Variants in ZSWIM6 observed in about 807,000 individuals in gnomAD.
ZSWIM6 encodes the protein zinc finger SWIM domain-containing protein 6.
ZSWIM6 carries 9 observed loss-of-function variants against 113.2 expected under a neutral mutation model. The observed-to-expected ratio is 0.08, with a 90% CI of 0.05 to 0.14. ZSWIM6 has a LOEUF of 0.14. ZSWIM6 is among the 10% of genes least tolerant of loss of function. ZSWIM6 has a pLI of 1.00. For missense variants in ZSWIM6, 1,162 were observed against 1,552.2 expected, an observed-to-expected ratio of 0.75 and a Z score of 4.22; for synonymous variants, 611 against 606.5, an observed-to-expected ratio of 1.01 and a Z score of -0.11.
intron 4 of ZSWIM6, among the ~76,000 whole-genome samples, chr5:61,506,825 C>G (rs1183255297): frequency 6.6e-6 from 1 of 152,034 alleles, no homozygotes; most frequent in Non-Finnish European, 1.5e-5. Context: ...ATTCTAGACT[C>G]TTATAATAGC....
At chr5:61,365,065 T>C (rs1014313733) in intron 1 of ZSWIM6, among the ~76,000 whole-genome samples, 11 of 152,114 alleles carry the variant, frequency 7.2e-5, no homozygotes, top group Non-Finnish European at 1.6e-4. Flanking sequence ...ATGTGACACA[T>C]GCCAGGCACA....
At chr5:61,412,092 T>C (rs1746159522) in intron 1 of ZSWIM6, among the ~76,000 whole-genome samples, 1 of 152,244 alleles carries the variant, frequency 6.6e-6, no homozygotes, top group Non-Finnish European at 1.5e-5. Flanking sequence ...CTGGTAAATC[T>C]ACAGTTTCTA....
chr5:61,517,770 A>ATTAT (rs1459413551), intron 4 of ZSWIM6, among the ~76,000 whole-genome samples: 27 of 149,918 alleles, frequency 1.8e-4, no homozygotes, highest in African/African-American at 6.3e-4. Context: ...TTTTTTTTTA[A>ATTAT]TTATTTAATT....
intron 1 of ZSWIM6, among the ~76,000 whole-genome samples, chr5:61,367,006 T>G (rs1745170070): frequency 6.7e-6 from 1 of 150,236 alleles, no homozygotes; most frequent in Non-Finnish European, 1.5e-5. Flanking sequence ...CTTGATTAAG[T>G]GATAGCATGA....
intron 1 of ZSWIM6, among the ~76,000 whole-genome samples, chr5:61,380,358 G>A (rs371569680): frequency 2.0e-5 from 3 of 152,306 alleles, no homozygotes; most frequent in African/African-American, 7.2e-5. Context: ...TTACAGGCAT[G>A]AGCCACTGCA....
chr5:61,444,982 T>C (rs978206416), intron 1 of ZSWIM6, among the ~76,000 whole-genome samples: 3 of 152,224 alleles, frequency 2.0e-5, no homozygotes, highest in African/African-American at 7.2e-5. Flanking sequence ...GATTAGTTAA[T>C]AGGACATTTA....
At chr5:61,371,857 T>C (rs553770603) in intron 1 of ZSWIM6, among the ~76,000 whole-genome samples, 2 of 152,330 alleles carry the variant, frequency 1.3e-5, no homozygotes, top group East Asian at 3.9e-4. Flanking sequence ...ATTATTATCC[T>C]CCCTCACCTG....
chr5:61,479,632 G>A (rs1747803530), intron 2 of ZSWIM6, among the ~76,000 whole-genome samples: 2 of 152,126 alleles, frequency 1.3e-5, no homozygotes, highest in Non-Finnish European at 2.9e-5. Context: ...CCACTGTAAG[G>A]CTATTCAGAG....
chr5:61,348,097 T>G (rs548612358), intron 1 of ZSWIM6, among the ~76,000 whole-genome samples: 2 of 152,172 alleles, frequency 1.3e-5, no homozygotes, highest in East Asian at 3.9e-4. Context: ...GGCGGGCGCC[T>G]GTAGTCCCAG....
intron 1 of ZSWIM6, among the ~76,000 whole-genome samples, chr5:61,379,598 C>T (rs537310126): frequency 2.1e-4 from 32 of 152,082 alleles, no homozygotes; most frequent in Non-Finnish European, 4.0e-4. Context: ...CTAGTGTGTA[C>T]TGAAAACAGC....
chr5:61,437,515 G>C (rs1467760422), intron 1 of ZSWIM6, among the ~76,000 whole-genome samples: 2 of 151,944 alleles, frequency 1.3e-5, no homozygotes, highest in African/African-American at 4.8e-5. Context: ...TTGAGCCCAG[G>C]ACTTCAAGAC....
chr5:61,342,115 A>G (rs1258975159), intron 1 of ZSWIM6, among the ~76,000 whole-genome samples: 3 of 151,954 alleles, frequency 2.0e-5, no homozygotes, highest in Non-Finnish European at 4.4e-5. Context: ...CCTGACCTCA[A>G]GTGATCCACC....
At chr5:61,528,219 C>CAT (rs1185309901) in intron 7 of ZSWIM6, among the ~76,000 whole-genome samples, 1 of 152,004 alleles carries the variant, frequency 6.6e-6, no homozygotes, top group Non-Finnish European at 1.5e-5. Flanking sequence ...ATATCTTATA[C>CAT]ATTTTCAAAA....
At chr5:61,340,541 G>C (rs1744521089) in intron 1 of ZSWIM6, among the ~76,000 whole-genome samples, 1 of 152,152 alleles carries the variant, frequency 6.6e-6, no homozygotes, top group African/African-American at 2.4e-5. Flanking sequence ...CATTATAGTT[G>C]TTATCTACTA....
chr5:61,512,888 C>T (rs574471906), intron 4 of ZSWIM6, among the ~76,000 whole-genome samples: 132 of 152,066 alleles, frequency 8.7e-4, no homozygotes, highest in African/African-American at 3.1e-3. Flanking sequence ...TATACCCCTT[C>T]CCCCGAGCTT....
chr5:61,369,803 G>A (rs1745227642), intron 1 of ZSWIM6, among the ~76,000 whole-genome samples: 1 of 152,164 alleles, frequency 6.6e-6, no homozygotes. Context: ...TAGGGGAGAT[G>A]TTAAGATTTG....
At chr5:61,442,662 G>A (rs1746865260) in intron 1 of ZSWIM6, among the ~76,000 whole-genome samples, 2 of 152,146 alleles carry the variant, frequency 1.3e-5, no homozygotes, top group South Asian at 4.1e-4. Flanking sequence ...CTATCACAAG[G>A]CCATTTCAGT....
chr5:61,542,080 T>C (rs1749755882), intron 13 of ZSWIM6, 115 bp downstream of exon 13: 1 of 898,264 alleles, frequency 1.1e-6, no homozygotes, highest in Non-Finnish European at 1.7e-6. Flanking sequence ...CAAGGCTCCT[T>C]CTAGCAGTCC....
chr5:61,448,711 G>A (rs531456906), intron 1 of ZSWIM6, among the ~76,000 whole-genome samples: 158 of 152,166 alleles, frequency 1.0e-3, no homozygotes, highest in African/African-American at 3.6e-3. Context: ...TAAACACACT[G>A]AACCAAGAAA....
Sources: gnomAD v4.1 joint callset for allele counts (sites outside exome capture counted in the v4.1 genomes callset) on GRCh38, gnomAD v4.1.1 for gene constraint, MANE v1.5 for transcripts, NCBI Gene and HGNC (gene_info 2026-07-23, HGNC 2026-07-21) for gene names.